Variants in XKR4 observed in about 807,000 individuals in gnomAD.
XKR4 encodes the protein XK related 4.
XKR4 carries 12 observed loss-of-function variants against 53.9 expected under a neutral mutation model. That is an observed-to-expected ratio of 0.22 (90% CI 0.14 to 0.36). XKR4 has a LOEUF of 0.36. Ranked by LOEUF, XKR4 falls within the 10% of genes least tolerant of loss-of-function variation. XKR4 has a pLI of 1.00. For synonymous variants in XKR4, 354 were observed against 362.4 expected (o/e 0.98, Z 0.26); for missense variants, 799 against 859.5 (o/e 0.93, Z 0.88).
chr8:55,289,916 T>A (rs1818994753), intron 1 of XKR4, among the ~76,000 whole-genome samples: 1 of 147,424 alleles, frequency 6.8e-6, no homozygotes, highest in Non-Finnish European at 1.5e-5. Flanking sequence ...AACTGCCAAA[T>A]TATTGTCCAG....
At chr8:55,341,841 C>T (rs1409387154) in intron 1 of XKR4, among the ~76,000 whole-genome samples, 2 of 151,906 alleles carry the variant, frequency 1.3e-5, no homozygotes, top group African/African-American at 2.4e-5. Context: ...AGCATGGTGC[C>T]TTTTGAAGTA....
intron 1 of XKR4, among the ~76,000 whole-genome samples, chr8:55,311,829 C>CAAAAAAAAAAAAAAAAAAAA (rs57826022): frequency 2.0e-5 from 2 of 98,570 alleles, no homozygotes; most frequent in African/African-American, 3.9e-5. Context: ...TGTAATTTAG[C>CAAAAAAAAAAAAAAAAAAAA]AAAAAAAAAA....
intron 2 of XKR4, among the ~76,000 whole-genome samples, chr8:55,409,306 C>T (rs1294564693): frequency 1.3e-5 from 2 of 152,252 alleles, no homozygotes; most frequent in Non-Finnish European, 2.9e-5. Context: ...TTCACCTGAG[C>T]GAGTGAGACC....
chr8:55,194,036 C>G (rs1183651109), intron 1 of XKR4, among the ~76,000 whole-genome samples: 1 of 152,200 alleles, frequency 6.6e-6, no homozygotes, highest in Admixed American at 6.5e-5. Context: ...TGCCTGGGTC[C>G]CCCTCCTGTC....
intron 1 of XKR4, among the ~76,000 whole-genome samples, chr8:55,154,953 A>G (rs1317509450): frequency 6.6e-6 from 1 of 152,174 alleles, no homozygotes; most frequent in Non-Finnish European, 1.5e-5. Context: ...CGTGAGGACC[A>G]AATCAGGGAA....
intron 1 of XKR4, among the ~76,000 whole-genome samples, chr8:55,263,395 T>C (rs192974688): frequency 1.6e-4 from 25 of 152,248 alleles, no homozygotes; most frequent in Admixed American, 1.6e-3. Context: ...GTTGTCTTCT[T>C]TGTGTGATCT....
At chr8:55,261,117 T>C (rs1818518511) in intron 1 of XKR4, among the ~76,000 whole-genome samples, 1 of 152,128 alleles carries the variant, frequency 6.6e-6, no homozygotes, top group African/African-American at 2.4e-5. Flanking sequence ...CATATTTTAT[T>C]AAAGGGAAGA....
chr8:55,103,388 G>A (rs1816087027), intron 1 of XKR4, 94 bp downstream of exon 1: 8 of 1,503,764 alleles, frequency 5.3e-6, no homozygotes, highest in South Asian at 2.7e-5. Flanking sequence ...GGTTGCTTTG[G>A]TAGTAACCCT....
At chr8:55,205,682 A>G (rs1490617779) in intron 1 of XKR4, among the ~76,000 whole-genome samples, 2 of 152,236 alleles carry the variant, frequency 1.3e-5, no homozygotes, top group Non-Finnish European at 2.9e-5. Flanking sequence ...AAGCCACAGT[A>G]AAGTTTTATA....
intron 1 of XKR4, among the ~76,000 whole-genome samples, chr8:55,244,227 G>A (rs1032578331): frequency 6.6e-5 from 10 of 152,088 alleles, no homozygotes; most frequent in Non-Finnish European, 1.3e-4. Context: ...TCACCCTCCA[G>A]CCTCAAGTAG....
intron 1 of XKR4, chr8:55,164,301 G>A (rs1298988849): frequency 6.6e-6 from 3 of 455,636 alleles, no homozygotes; most frequent in Middle Eastern, 3.3e-4. Flanking sequence ...TAGTGGGCAG[G>A]ATGCTGTCAG....
intron 1 of XKR4, among the ~76,000 whole-genome samples, chr8:55,300,783 AC>A (rs1563319107): frequency 6.6e-6 from 1 of 152,198 alleles, no homozygotes; most frequent in Non-Finnish European, 1.5e-5. Context: ...GATCGCCCCA[AC>A]AAAGGTGAAG....
At chr8:55,334,891 C>T (rs1281478817) in intron 1 of XKR4, among the ~76,000 whole-genome samples, 2 of 152,144 alleles carry the variant, frequency 1.3e-5, no homozygotes, top group Non-Finnish European at 2.9e-5. Context: ...TTCCTGGGTC[C>T]TTTGCTAATG....
At chr8:55,213,205 C>T (rs1367914368) in intron 1 of XKR4, among the ~76,000 whole-genome samples, 2 of 152,228 alleles carry the variant, frequency 1.3e-5, no homozygotes, top group African/African-American at 4.8e-5. Context: ...TCGAACACCT[C>T]TGACAAAATC....
At chr8:55,364,559 CTG>C (rs1173840377) in intron 2 of XKR4, among the ~76,000 whole-genome samples, 1 of 152,222 alleles carries the variant, frequency 6.6e-6, no homozygotes, top group African/African-American at 2.4e-5. Context: ...GTGTCTGAAA[CTG>C]TTTTTCTCAA....
At chr8:55,354,244 G>A (rs910289970) in intron 1 of XKR4, among the ~76,000 whole-genome samples, 1 of 152,160 alleles carries the variant, frequency 6.6e-6, no homozygotes, top group Admixed American at 6.5e-5. Context: ...AGATATGGAG[G>A]GAGGGTGTTC....
intron 1 of XKR4, among the ~76,000 whole-genome samples, chr8:55,131,799 G>A (rs1426690489): frequency 1.3e-5 from 2 of 151,688 alleles, no homozygotes; most frequent in Admixed American, 6.6e-5. Flanking sequence ...AGGCTGGAGT[G>A]CAGTGGTATG....
chr8:55,496,096 G>A (rs1280399677), intron 2 of XKR4, among the ~76,000 whole-genome samples: 1 of 152,220 alleles, frequency 6.6e-6, no homozygotes, highest in East Asian at 1.9e-4. Flanking sequence ...TGACGATATG[G>A]TCTGTAAGGA....
chr8:55,256,522 G>T (rs1818440898), intron 1 of XKR4, among the ~76,000 whole-genome samples: 1 of 152,202 alleles, frequency 6.6e-6, no homozygotes, highest in South Asian at 2.1e-4. Context: ...ATCAGCAGAA[G>T]TTGGTAATTA....
Sources: gnomAD v4.1 joint callset for allele counts (sites outside exome capture counted in the v4.1 genomes callset) on GRCh38, gnomAD v4.1.1 for gene constraint, MANE v1.5 for transcripts, NCBI Gene and HGNC (gene_info 2026-07-23, HGNC 2026-07-21) for gene names.